OR52I2: variants seen among roughly 807,000 people sequenced by gnomAD.
OR52I2 encodes the protein olfactory receptor family 52 subfamily I member 2.
For synonymous variants in OR52I2, 147 were observed against 151.9 expected, an observed-to-expected ratio of 0.97 and a Z score of 0.24; for missense variants, 350 against 402.4, an observed-to-expected ratio of 0.87 and a Z score of 1.11.
At position 4,584,695 on chromosome 11, in the gene OR52I2, G is replaced by A. The variant is rs139846886; in HGVS notation, c.-19-2177G>A. On this transcript the variant is annotated intron_variant, in intron 1 of 1. Transcript: ENST00000641896. ...AGCAGACAACAAAAATTCTAAACTT[G>A]AGAACTGATCTATAATGGGACAGAT... Among the ~76,000 whole-genome samples, 352 of 152,258 alleles carry A rather than the reference G, an allele frequency of 2.3e-3. 2 individuals carry two copies. Among genetic ancestry groups the A allele is most frequent in the African/African-American group, 8.3e-3 (346 of 41,554 alleles).
chr11:4,586,960 CT>C lies in OR52I2; in HGVS notation c.71del (p.Leu24ArgfsTer12). 1.2e-6 allele frequency: 2 copies of C among 1,614,172 alleles called. No individual in the cohort carries two copies. The highest frequency in any genetic ancestry group is 1.7e-6 in the Non-Finnish European group (2 of 1,179,996). Reference sequence around the variant, plus strand: ...CTTCCTCCTTGTGGGTATCCCAGGACTGCAATCTTCACATCTTTGGCTGGCT... The same window carrying C: ...CTTCCTCCTTGTGGGTATCCCAGGACGCAATCTTCACATCTTTGGCTGGCT... On this transcript the variant is annotated frameshift_variant, in exon 2 of 2. Transcript: ENST00000641896. LOFTEE classifies it low-confidence loss of function (END_TRUNC).
chr11:4,589,740 G>T (rs1846337215), exon 2 of OR52I2: 1 of 152,194 alleles, frequency 6.6e-6, no homozygotes, highest in Non-Finnish European at 1.5e-5. Flanking sequence ...AGGGCTGATT[G>T]GGTGCATGTT....
rs113651144 is a variant in OR52I2 at position 4,583,053 on chromosome 11, T to C, written c.-20+1189T>C. Among the ~76,000 whole-genome samples the C allele has an allele frequency of 2.4e-3, 358 of 152,316 alleles. 4 individuals are homozygous for C. Among genetic ancestry groups the C allele is most frequent in the African/African-American group, 7.8e-3 (323 of 41,572 alleles). On this transcript the variant is annotated intron_variant, in intron 1 of 1. Transcript: ENST00000641896. ...TGAAGGAACAGGCAGTTGTGTGAGA[T>C]GTTTTGGTAAAACAGGAAGAAAAAG...
exon 2 of OR52I2, chr11:4,589,831 G>C (rs1846337721): frequency 6.6e-6 from 1 of 152,270 alleles, no homozygotes; most frequent in African/African-American, 2.4e-5. Context: ...ATATGCCTTA[G>C]TTCTTTTACC....
At chr11:4,589,651 G>C (rs771237180) in exon 2 of OR52I2, 1 of 152,100 alleles carries the variant, frequency 6.6e-6, no homozygotes, top group South Asian at 2.1e-4. Flanking sequence ...CAGAGAGGAA[G>C]GGGTAGGTAT....
intron 1 of OR52I2, among the ~76,000 whole-genome samples, chr11:4,583,280 ACC>A (rs111833287): frequency 0.011 from 1,597 of 151,902 alleles, 32 homozygotes; most frequent in African/African-American, 0.037. Context: ...TTAAAAAAAA[ACC>A]CACCACTCTC....
chr11:4,588,199 T>C (rs984466858), exon 2 of OR52I2: 1 of 281,190 alleles, frequency 3.6e-6, no homozygotes, highest in Non-Finnish European at 6.7e-6. Context: ...ACTCTTAAAA[T>C]GAAAGACAAC....
chr11:4,585,893 C>T (rs577287643), intron 1 of OR52I2, among the ~76,000 whole-genome samples: 1 of 152,308 alleles, frequency 6.6e-6, no homozygotes, highest in Admixed American at 6.5e-5. Context: ...ACTATGAATA[C>T]TACACTTTTT....
intron 1 of OR52I2, among the ~76,000 whole-genome samples, chr11:4,582,733 C>T (rs1408952094): frequency 6.6e-6 from 1 of 152,034 alleles, no homozygotes; most frequent in Non-Finnish European, 1.5e-5. Flanking sequence ...CATGTCCGGT[C>T]GAACTTTTTA....
exon 2 of OR52I2, chr11:4,592,692 G>C (rs1445836800): frequency 6.6e-6 from 1 of 152,190 alleles, no homozygotes; most frequent in Non-Finnish European, 1.5e-5. Context: ...TAGAATGGTA[G>C]TTAATGCTGA....
At chr11:4,587,828 T>C in exon 2 of OR52I2, 1 of 1,614,072 alleles carries the variant, frequency 6.2e-7, no homozygotes, top group Non-Finnish European at 8.5e-7. Flanking sequence ...AGTTATCTGA[T>C]GCATGTCCTC....
At chr11:4,589,032 CTCTTAG>C (rs1297569228) in exon 2 of OR52I2, 12 of 152,148 alleles carry the variant, frequency 7.9e-5, no homozygotes, top group African/African-American at 2.9e-4. Context: ...ACACTTTATA[CTCTTAG>C]TCTAACTTTT....
Position 4,586,700 on chromosome 11 carries a change from G to A in OR52I2, c.-19-172G>A, listed in dbSNP as rs769754071. On this transcript the variant is annotated intron_variant, in intron 1 of 1. Transcript: ENST00000641896. ...TGAACAATGAATACAAATTTGGAAG[G>A]GAAGAATATTAAGGAGGATAAAAGT... The A allele has an allele frequency of 2.0e-4, 166 of 849,160 alleles. 1 individual carries two copies. The highest frequency in any genetic ancestry group is 2.9e-4 in the Non-Finnish European group (159 of 548,300). The allele number at this position is 849,160 out of a possible 1,614,324, so 52.6% of individuals were successfully genotyped here.
At chr11:4,591,412 T>C (rs1654770575) in exon 2 of OR52I2, 2 of 152,160 alleles carry the variant, frequency 1.3e-5, no homozygotes, top group African/African-American at 4.8e-5. Context: ...TCATTTAAGA[T>C]TGCGTGAACA....
chr11:4,586,032 G>C (rs994636655), intron 1 of OR52I2, among the ~76,000 whole-genome samples: 1 of 152,064 alleles, frequency 6.6e-6, no homozygotes, highest in Non-Finnish European at 1.5e-5. Flanking sequence ...AATCATAAAA[G>C]CTTACTGGGT....
intron 1 of OR52I2, among the ~76,000 whole-genome samples, chr11:4,583,259 T>C (rs566521446): frequency 6.6e-6 from 1 of 151,954 alleles, no homozygotes; most frequent in South Asian, 2.1e-4. Flanking sequence ...AGAAGAAAAG[T>C]AAATGAAGAA....
At chr11:4,591,753 T>G (rs555570253) in exon 2 of OR52I2, 38 of 152,284 alleles carry the variant, frequency 2.5e-4, no homozygotes, top group Non-Finnish European at 4.7e-4. Flanking sequence ...TTGGCAAGAG[T>G]TGTTTTATGG....
chr11:4,586,952 T>A lies in OR52I2; in HGVS notation c.62T>A (p.Ile21Asn), dbSNP rs1846306414. 3.7e-6 allele frequency: 6 copies of A among 1,614,144 alleles called. No homozygotes were observed. In the East Asian group the frequency reaches 6.7e-5, roughly 18 times the overall value. The stretch of plus-strand genomic sequence containing the variant: ...CCTGCCTCCTTCCTCCTTGTGGGTA[T>A]CCCAGGACTGCAATCTTCACATCTT... The change falls in exon 2 of 2, where the codon ATC (isoleucine) becomes AAC (asparagine). Residue 21 changes from isoleucine to asparagine, a missense_variant. By Grantham distance (149) the Ile-to-Asn change is moderately radical (BLOSUM62 -3). Coordinates refer to ENST00000641896, the Ensembl canonical transcript of OR52I2.
At chr11:4,581,803 G>A (rs549166471) in exon 1 of OR52I2, 1 of 152,318 alleles carries the variant, frequency 6.6e-6, no homozygotes, top group African/African-American at 2.4e-5. Context: ...CTGAGTAAAA[G>A]AAATGTAGAC....
Sources: allele counts gnomAD v4.1 joint callset (sites outside exome capture counted in the v4.1 genomes callset), GRCh38; gene constraint gnomAD v4.1.1; transcripts MANE v1.5; gene names NCBI Gene and HGNC (gene_info 2026-07-23, HGNC 2026-07-21).